Variants in SORCS3 observed in about 807,000 individuals in gnomAD.
The protein encoded by SORCS3 is sortilin related VPS10 domain containing receptor 3.
Under a neutral mutation model 146.3 loss-of-function variants are expected in SORCS3, and 57 were observed. The ratio of observed to expected loss-of-function variants is 0.39; its 90% CI spans 0.31 to 0.49. The LOEUF (loss-of-function observed/expected upper bound fraction) is 0.49. Among genes scored for constraint, SORCS3 ranks in the 20% least tolerant of loss-of-function variants. The pLI is 0.92. For synonymous variants in SORCS3, 653 were observed against 618.5 expected, an observed-to-expected ratio of 1.06 and a Z score of -0.83; for missense variants, 1,341 against 1,575.5, an observed-to-expected ratio of 0.85 and a Z score of 2.52.
intron 1 of SORCS3, chr10:104,665,551 A>G (rs2015763802): frequency 1.3e-5 from 2 of 152,212 alleles, no homozygotes; most frequent in Admixed American, 6.5e-5. Flanking sequence ...CCAAGGCAGC[A>G]GATGCTTCTT....
intron 7 of SORCS3, among the ~76,000 whole-genome samples, chr10:105,135,511 C>T (rs187342800): frequency 2.6e-5 from 4 of 152,334 alleles, no homozygotes; most frequent in Non-Finnish European, 4.4e-5. Context: ...TTGGTGTTCT[C>T]TCTCAAACTT....
chr10:104,777,224 T>G (rs1285746162), intron 1 of SORCS3, among the ~76,000 whole-genome samples: 1 of 152,212 alleles, frequency 6.6e-6, no homozygotes, highest in Non-Finnish European at 1.5e-5. Context: ...GTCATCATTT[T>G]GCAAATAAGG....
chr10:104,737,610 A>G (rs1489600550), intron 1 of SORCS3, among the ~76,000 whole-genome samples: 1 of 152,096 alleles, frequency 6.6e-6, no homozygotes, highest in Admixed American at 6.5e-5. Flanking sequence ...TCCTTTGCCC[A>G]CTTTTTGATG....
At chr10:104,913,433 T>C (rs1456439666) in intron 2 of SORCS3, among the ~76,000 whole-genome samples, 1 of 152,226 alleles carries the variant, frequency 6.6e-6, no homozygotes, top group African/African-American at 2.4e-5. Flanking sequence ...CCAGAGCTTC[T>C]GTGCCTGCAG....
intron 8 of SORCS3, among the ~76,000 whole-genome samples, chr10:105,141,534 G>T (rs1453822405): frequency 6.6e-6 from 1 of 152,164 alleles, no homozygotes; most frequent in Non-Finnish European, 1.5e-5. Context: ...GGCATGAAAA[G>T]CTCCCTATCA....
intron 7 of SORCS3, among the ~76,000 whole-genome samples, chr10:105,114,857 T>A (rs1163388619): frequency 1.3e-5 from 2 of 152,172 alleles, no homozygotes; most frequent in South Asian, 2.1e-4. Flanking sequence ...TATCAGACTG[T>A]TTCTAGGATG....
intron 25 of SORCS3, among the ~76,000 whole-genome samples, chr10:105,260,687 A>G (rs996975133): frequency 2.6e-5 from 4 of 152,202 alleles, no homozygotes; most frequent in African/African-American, 9.6e-5. Context: ...CACATTTCGC[A>G]TCATTTGGAG....
intron 1 of SORCS3, among the ~76,000 whole-genome samples, chr10:104,771,795 C>A (rs567217883): frequency 2.6e-5 from 4 of 151,670 alleles, no homozygotes; most frequent in South Asian, 2.1e-4. Flanking sequence ...CTTCAAGCAA[C>A]CTGCATCACA....
chr10:104,822,378 T>C (rs1430279901), intron 1 of SORCS3, among the ~76,000 whole-genome samples: 1 of 152,196 alleles, frequency 6.6e-6, no homozygotes, highest in African/African-American at 2.4e-5. Context: ...CAAAGATAAA[T>C]TTCTCAGGAC....
chr10:104,772,503 G>T (rs552805927), intron 1 of SORCS3, among the ~76,000 whole-genome samples: 3 of 152,308 alleles, frequency 2.0e-5, no homozygotes, highest in East Asian at 3.9e-4. Flanking sequence ...AACAATGTCT[G>T]CTGGGTACTT....
chr10:105,169,303 A>G (rs1008979358), intron 13 of SORCS3, among the ~76,000 whole-genome samples: 2 of 152,150 alleles, frequency 1.3e-5, no homozygotes, highest in African/African-American at 2.4e-5. Flanking sequence ...CCAGGAGACT[A>G]TACTCAAGAT....
intron 1 of SORCS3, among the ~76,000 whole-genome samples, chr10:104,831,153 G>T (rs1387179250): frequency 6.6e-6 from 1 of 152,090 alleles, no homozygotes; most frequent in Non-Finnish European, 1.5e-5. Flanking sequence ...ATACCATGAG[G>T]ATACTGTCAC....
At chr10:105,178,280 C>A (rs1337770171) in intron 14 of SORCS3, 107 bp downstream of exon 14, 1 of 757,592 alleles carries the variant, frequency 1.3e-6, no homozygotes. Context: ...GTGGTCCAAT[C>A]TCTGGGCCAA....
chr10:104,987,477 T>G (rs2054969086), intron 4 of SORCS3, among the ~76,000 whole-genome samples: 1 of 152,348 alleles, frequency 6.6e-6, no homozygotes, highest in South Asian at 2.1e-4. Context: ...TGAATGGGGC[T>G]GATTTAGTAA....
chr10:105,133,871 T>C (rs188178965), intron 7 of SORCS3, among the ~76,000 whole-genome samples: 2 of 152,242 alleles, frequency 1.3e-5, no homozygotes, highest in African/African-American at 4.8e-5. Flanking sequence ...GGTAGGAGGA[T>C]TGCTTGAGCT....
chr10:105,055,441 G>A (rs2055439654), intron 5 of SORCS3, among the ~76,000 whole-genome samples: 1 of 152,124 alleles, frequency 6.6e-6, no homozygotes, highest in Admixed American at 6.6e-5. Flanking sequence ...AGTTTTATGT[G>A]GCTTTTGGCA....
At chr10:104,699,894 A>G (rs1267399811) in intron 1 of SORCS3, among the ~76,000 whole-genome samples, 2 of 152,206 alleles carry the variant, frequency 1.3e-5, no homozygotes, top group East Asian at 3.8e-4. Context: ...TCTGGATGCA[A>G]TGTGAGCTTT....
intron 4 of SORCS3, among the ~76,000 whole-genome samples, chr10:105,016,155 A>ATATATATATATATTTT (rs71482443): frequency 2.0e-5 from 2 of 101,344 alleles, no homozygotes; most frequent in African/African-American, 9.7e-5. Flanking sequence ...ATATATATAT[A>ATATATATATATATTTT]TTTTTTTTTT....
intron 6 of SORCS3, among the ~76,000 whole-genome samples, chr10:105,099,148 T>G (rs1040321029): frequency 5.9e-5 from 9 of 152,182 alleles, no homozygotes; most frequent in Non-Finnish European, 1.2e-4. Flanking sequence ...CACTCCCCAG[T>G]CAAGAAAAAG....
Sources: allele counts gnomAD v4.1 joint callset (sites outside exome capture counted in the v4.1 genomes callset), GRCh38; gene constraint gnomAD v4.1.1; transcripts MANE v1.5; gene names NCBI Gene and HGNC (gene_info 2026-07-23, HGNC 2026-07-21).